Variants in PCDHA10 observed in about 807,000 individuals in gnomAD.
The protein encoded by PCDHA10 is protocadherin alpha-10.
PCDHA10 carries 45 observed loss-of-function variants against 61.2 expected under a neutral mutation model. The ratio of observed to expected loss-of-function variants is 0.74; its 90% CI spans 0.58 to 0.94. The LOEUF (loss-of-function observed/expected upper bound fraction) is 0.94. Ranked by LOEUF, PCDHA10 falls within the 40% of genes least tolerant of loss-of-function variation. The probability of loss-of-function intolerance (pLI) is 0.00; values close to 1 mark genes in which losing one functional copy is unlikely to be tolerated. For missense variants in PCDHA10, 1,278 were observed against 1,236.2 expected (o/e 1.03, Z -0.51); for synonymous variants, 602 against 548.8 (o/e 1.10, Z -1.35).
At chr5:140,975,552 G>A (rs1416724640) in intron 1 of PCDHA10, among the ~76,000 whole-genome samples, 1 of 152,200 alleles carries the variant, frequency 6.6e-6, no homozygotes, top group Non-Finnish European at 1.5e-5. Flanking sequence ...CTATTAGGAA[G>A]GAAAAGGAGA....
chr5:140,875,460 C>T (rs1380748731), intron 1 of PCDHA10: 2 of 1,598,406 alleles, frequency 1.3e-6, no homozygotes, highest in Middle Eastern at 1.7e-4. Flanking sequence ...CTCAGAGGCC[C>T]TCATTTTCTG....
At chr5:140,875,546 AGGTGGGGAGCG>A in intron 1 of PCDHA10, 1 of 1,614,002 alleles carries the variant, frequency 6.2e-7, no homozygotes, top group Non-Finnish European at 8.5e-7. Context: ...GCAGCCTGGG[AGGTGGGGAGCG>A]GCCAGCTCCA....
intron 1 of PCDHA10, among the ~76,000 whole-genome samples, chr5:140,964,622 T>C (rs1435749865): frequency 2.0e-5 from 3 of 152,048 alleles, no homozygotes; most frequent in Non-Finnish European, 4.4e-5. Flanking sequence ...ATTCCACTTA[T>C]AAGCCATTTA....
At chr5:140,863,799 G>A (rs1246230954) in intron 1 of PCDHA10, 10 of 212,460 alleles carry the variant, frequency 4.7e-5, no homozygotes, top group Non-Finnish European at 8.6e-5. Context: ...AGGAGTTTGA[G>A]ACCAGCCTGG....
chr5:140,988,059 T>C (rs1587274242), intron 3 of PCDHA10, among the ~76,000 whole-genome samples: 1 of 152,324 alleles, frequency 6.6e-6, no homozygotes, highest in East Asian at 1.9e-4. Flanking sequence ...ACTGTCAACA[T>C]GAATTTTTCT....
At chr5:140,941,219 C>CTTTCTTTCTT (rs1563186292) in intron 1 of PCDHA10, among the ~76,000 whole-genome samples, 18 of 125,974 alleles carry the variant, frequency 1.4e-4, no homozygotes, top group African/African-American at 4.5e-4. Context: ...TTCTTCCTTT[C>CTTTCTTTCTT]TTTCTTTCTT....
chr5:141,009,573 G>T, intron 3 of PCDHA10, 54 bp from the exon 4 acceptor site: 2 of 1,580,662 alleles, frequency 1.3e-6, no homozygotes, highest in South Asian at 1.2e-5. Context: ...CAGCAGTGTG[G>T]CATCAAGAGC....
rs368758287 is a variant in PCDHA10 at position 140,883,621 on chromosome 5, C to A, written c.2388+25185C>A. On this transcript the variant is annotated intron_variant, in intron 1 of 3. Transcript: ENST00000307360. ...TGGGGGTGGCCGACGTGAACGACAACGCGCCGGCGTTCGCGCAGCCCGAGT... is the reference window on the plus strand; with the variant it reads ...TGGGGGTGGCCGACGTGAACGACAAAGCGCCGGCGTTCGCGCAGCCCGAGT... 5 of 1,613,850 alleles carry A rather than the reference C, an allele frequency of 3.1e-6. No individual in the cohort carries two copies. In the African/African-American group the frequency reaches 4.0e-5, roughly 13 times the overall value.
At chr5:140,906,757 A>G (rs554698266) in intron 1 of PCDHA10, among the ~76,000 whole-genome samples, 2 of 152,346 alleles carry the variant, frequency 1.3e-5, no homozygotes, top group South Asian at 4.1e-4. Flanking sequence ...GCATGGTAAT[A>G]CTAAGAGACA....
At chr5:140,915,207 A>G (rs1238146165) in intron 1 of PCDHA10, among the ~76,000 whole-genome samples, 2 of 152,154 alleles carry the variant, frequency 1.3e-5, no homozygotes, top group Non-Finnish European at 2.9e-5. Flanking sequence ...TTGGCCTCCC[A>G]AAGTGCTGGG....
In PCDHA10 at chr5:140,869,069, A is replaced by G. The variant is rs781835431; in HGVS notation, c.2388+10633A>G. 4 of 1,572,072 alleles carry G rather than the reference A, an allele frequency of 2.5e-6. No individual in the cohort carries two copies. The East Asian group carries it at 9.0e-5, about 35-fold the overall frequency. ...CTGAAGAATCTGGTACTGTAAGTGT[A>G]AAGAAGCTTATTTTGGAAGCCAATT... On this transcript the variant is annotated intron_variant, in intron 1 of 3. Coordinates refer to ENST00000307360, the MANE Select transcript of PCDHA10 (RefSeq NM_018901.4).
chr5:140,856,571 G>T lies in PCDHA10; in HGVS notation c.523G>T (p.Glu175Ter). 1 of 1,597,838 alleles carries T rather than the reference G, an allele frequency of 6.3e-7. No homozygotes were observed. The highest frequency in any genetic ancestry group is 1.3e-5 in the African/African-American group (1 of 74,432). The change falls in exon 1 of 4, where the codon GAG (glutamate) becomes TAG (stop). Residue 175 changes from glutamate (E) to a stop codon, truncating the protein, a stop_gained. Coordinates refer to ENST00000307360, the MANE Select transcript of PCDHA10 (RefSeq NM_018901.4). LOFTEE classifies it high-confidence loss of function. ...ALLTYKLSPN[E>*]YFVLDIINKK... ...GCTTACTTACAAACTCAGTCCAAAT[G>T]AGTATTTTGTTCTTGATATTATAAA...
intron 3 of PCDHA10, among the ~76,000 whole-genome samples, chr5:141,000,414 TA>T (rs1441995674): frequency 2.8e-4 from 28 of 99,544 alleles, no homozygotes; most frequent in African/African-American, 3.7e-4. Flanking sequence ...TATATATATA[TA>T]TATATATTTT....
chr5:140,986,355 T>C (rs1381730343), intron 3 of PCDHA10, among the ~76,000 whole-genome samples: 3 of 152,154 alleles, frequency 2.0e-5, no homozygotes, highest in African/African-American at 7.2e-5. Context: ...CTTCTTCAGA[T>C]GGAGGAATGC....
chr5:140,926,990 G>T (rs2083733718), intron 1 of PCDHA10: 1 of 1,611,558 alleles, frequency 6.2e-7, no homozygotes, highest in Admixed American at 1.7e-5. Flanking sequence ...ACGGAGCGGG[G>T]CGTAGCCGTA....
At chr5:140,887,263 A>AT (rs1336620900) in intron 1 of PCDHA10, among the ~76,000 whole-genome samples, 1 of 151,790 alleles carries the variant, frequency 6.6e-6, no homozygotes, top group Non-Finnish European at 1.5e-5. Flanking sequence ...CGCCCTGCTA[A>AT]TTTTTTGTAT....
intron 1 of PCDHA10, chr5:140,926,553 A>T: frequency 4.3e-6 from 1 of 233,838 alleles, no homozygotes; most frequent in East Asian, 9.1e-5. Context: ...TCGAGACCCC[A>T]GCCCGCTGCT....
chr5:140,951,520 A>G (rs904780831), intron 1 of PCDHA10, among the ~76,000 whole-genome samples: 6 of 151,972 alleles, frequency 3.9e-5, no homozygotes, highest in Admixed American at 2.0e-4. Context: ...CTCATCTTAC[A>G]TGGCCGGTGC....
chr5:140,877,743 G>C, intron 1 of PCDHA10: 1 of 1,614,148 alleles, frequency 6.2e-7, no homozygotes, highest in Non-Finnish European at 8.5e-7. Flanking sequence ...GGAGGCAGAG[G>C]GTGTGCTCTG....
Sources: gnomAD v4.1 joint callset for allele counts (sites outside exome capture counted in the v4.1 genomes callset) on GRCh38, gnomAD v4.1.1 for gene constraint, MANE v1.5 for transcripts, NCBI Gene and HGNC (gene_info 2026-07-23, HGNC 2026-07-21) for gene names.